Variants in GPC5 observed in about 807,000 individuals in gnomAD.
GPC5 encodes glypican 5.
Under a neutral mutation model 53.9 loss-of-function variants are expected in GPC5, and 47 were observed. That is an observed-to-expected ratio of 0.87 (90% CI 0.69 to 1.11). GPC5 has a LOEUF of 1.11. Among genes scored for constraint, GPC5 ranks in the 50% most tolerant of loss-of-function variants. GPC5 has a pLI of 0.00. For missense variants in GPC5, 748 were observed against 713.1 expected (o/e 1.05, Z -0.56); for synonymous variants, 286 against 263.3 (o/e 1.09, Z -0.84).
intron 2 of GPC5, among the ~76,000 whole-genome samples, chr13:91,465,966 A>T (rs1828289602): frequency 6.6e-6 from 1 of 152,108 alleles, no homozygotes; most frequent in South Asian, 2.1e-4. Context: ...GAACACTGAG[A>T]TCTCACTATT....
At chr13:92,570,642 G>A (rs1882994667) in intron 7 of GPC5, among the ~76,000 whole-genome samples, 1 of 151,896 alleles carries the variant, frequency 6.6e-6, no homozygotes, top group South Asian at 2.1e-4. Flanking sequence ...ATTGTGATAT[G>A]TTTATATGTA....
chr13:91,784,968 C>T (rs1475052170), intron 5 of GPC5, among the ~76,000 whole-genome samples: 1 of 152,132 alleles, frequency 6.6e-6, no homozygotes, highest in Non-Finnish European at 1.5e-5. Context: ...GTGGTTGCTA[C>T]TTGGGTATCT....
chr13:91,784,841 A>G (rs2138730535), intron 5 of GPC5, among the ~76,000 whole-genome samples: 1 of 152,306 alleles, frequency 6.6e-6, no homozygotes, highest in Non-Finnish European at 1.5e-5. Flanking sequence ...GTTGGCAATA[A>G]CTAGATTAGA....
intron 2 of GPC5, among the ~76,000 whole-genome samples, chr13:91,500,727 T>A (rs927153740): frequency 6.6e-6 from 1 of 152,300 alleles, no homozygotes; most frequent in East Asian, 1.9e-4. Context: ...AGCTACAGAT[T>A]TTTGTCTCGA....
intron 6 of GPC5, among the ~76,000 whole-genome samples, chr13:91,970,804 C>T (rs955478381): frequency 1.3e-5 from 2 of 152,138 alleles, no homozygotes; most frequent in Admixed American, 1.3e-4. Flanking sequence ...CCTTGCATCC[C>T]AGGGATGAAG....
chr13:92,544,915 TA>T (rs1882049917), intron 7 of GPC5, among the ~76,000 whole-genome samples: 2 of 151,992 alleles, frequency 1.3e-5, no homozygotes, highest in African/African-American at 4.8e-5. Context: ...TATTTTATTT[TA>T]TTTTTTATTT....
At chr13:92,136,411 C>T (rs74106133) in intron 6 of GPC5, among the ~76,000 whole-genome samples, 3,141 of 152,112 alleles carry the variant, frequency 0.021, 89 homozygotes, top group African/African-American at 0.059. Context: ...GTTTATCAAT[C>T]ACAAAATAAA....
intron 7 of GPC5, among the ~76,000 whole-genome samples, chr13:92,297,963 C>T (rs562362791): frequency 6.6e-6 from 1 of 152,182 alleles, no homozygotes; most frequent in South Asian, 2.1e-4. Flanking sequence ...GATGTGCCAC[C>T]TTAAGAGCTG....
In GPC5 at chr13:92,103,754, C is replaced by G. The variant is rs144735335; in HGVS notation, c.1402-41076C>G. ...TGTGTTGGGTCACATTTTCAACATT[C>G]CTAAGGCAGTTTACAACCCTTAGCC... On this transcript the variant is annotated intron_variant, in intron 6 of 7. Coordinates refer to ENST00000377067, the MANE Select transcript of GPC5 (RefSeq NM_004466.6). Among the ~76,000 whole-genome samples the G allele has an allele frequency of 5.9e-5, 9 of 152,274 alleles. No individual in the cohort carries two copies. In the South Asian group the frequency reaches 6.2e-4, roughly 11 times the overall value.
intron 7 of GPC5, among the ~76,000 whole-genome samples, chr13:92,547,996 ATT>A (rs35318055): frequency 4.1e-4 from 56 of 136,198 alleles, no homozygotes; most frequent in Middle Eastern, 3.8e-3. Context: ...CGCCTGGCTA[ATT>A]TTTTTTTTTT....
At chr13:92,298,388 CCT>C (rs1377242343) in intron 7 of GPC5, among the ~76,000 whole-genome samples, 7 of 152,186 alleles carry the variant, frequency 4.6e-5, no homozygotes, top group Non-Finnish European at 1.0e-4. Context: ...CCGGAGGTTT[CCT>C]TCTCCCTGTG....
At chr13:92,275,760 C>A (rs749900283) in intron 7 of GPC5, among the ~76,000 whole-genome samples, 1 of 152,044 alleles carries the variant, frequency 6.6e-6, no homozygotes, top group East Asian at 1.9e-4. Context: ...ATGTATCCAT[C>A]GTTACCAAGG....
chr13:92,818,281 A>G (rs558364177), intron 7 of GPC5, among the ~76,000 whole-genome samples: 5 of 152,012 alleles, frequency 3.3e-5, no homozygotes, highest in Admixed American at 6.5e-5. Flanking sequence ...AAGTGCTGGC[A>G]TTACAGGCGT....
At chr13:92,332,823 C>G (rs531515103) in intron 7 of GPC5, among the ~76,000 whole-genome samples, 104 of 152,246 alleles carry the variant, frequency 6.8e-4, no homozygotes, top group Non-Finnish European at 1.3e-3. Context: ...AAAGTAGATA[C>G]TTTCTTTTCC....
chr13:92,849,835 G>A (rs1238081376), intron 7 of GPC5, among the ~76,000 whole-genome samples: 2 of 152,114 alleles, frequency 1.3e-5, no homozygotes, highest in Non-Finnish European at 2.9e-5. Flanking sequence ...ATGAAACACT[G>A]CTCAGTATTT....
At chr13:92,440,124 A>C (rs1239895899) in intron 7 of GPC5, among the ~76,000 whole-genome samples, 1 of 152,144 alleles carries the variant, frequency 6.6e-6, no homozygotes, top group Non-Finnish European at 1.5e-5. Context: ...TTTTATATTC[A>C]GGGGGTTCAT....
intron 2 of GPC5, among the ~76,000 whole-genome samples, chr13:91,536,634 C>T (rs754359327): frequency 2.0e-5 from 3 of 152,246 alleles, no homozygotes; most frequent in South Asian, 4.1e-4. Context: ...AGCTTGTGCA[C>T]GGCTGTCTTC....
intron 5 of GPC5, among the ~76,000 whole-genome samples, chr13:91,838,307 A>G (rs568548060): frequency 2.6e-3 from 392 of 152,106 alleles, no homozygotes; most frequent in Non-Finnish European, 4.2e-3. Flanking sequence ...AACTAAAAGG[A>G]CACTCTTAGC....
intron 7 of GPC5, among the ~76,000 whole-genome samples, chr13:92,675,590 T>TA (rs759584878): frequency 6.7e-6 from 1 of 149,268 alleles, no homozygotes; most frequent in Admixed American, 6.7e-5. Context: ...CTTTTTTTTT[T>TA]AACTATAAAG....
Sources: gnomAD v4.1 joint callset for allele counts (sites outside exome capture counted in the v4.1 genomes callset) on GRCh38, gnomAD v4.1.1 for gene constraint, MANE v1.5 for transcripts, NCBI Gene and HGNC (gene_info 2026-07-23, HGNC 2026-07-21) for gene names.